Variants in SNX29 observed in about 807,000 individuals in gnomAD.
SNX29 encodes the protein sorting nexin 29.
A neutral mutation model predicts 102.1 loss-of-function variants in SNX29; 78 were observed. The ratio of observed to expected loss-of-function variants is 0.76; its 90% CI spans 0.64 to 0.92. SNX29 has a LOEUF of 0.92. Ranked by LOEUF, SNX29 falls within the 40% of genes least tolerant of loss-of-function variation. The pLI, the probability that SNX29 is intolerant of heterozygous loss-of-function variation, is 0.00. For missense variants in SNX29, 1,280 were observed against 1,061.7 expected (o/e 1.21, Z -2.86); for synonymous variants, 580 against 414.5 (o/e 1.40, Z -4.85).
chr16:12,212,226 C>A (rs960049865), intron 14 of SNX29, among the ~76,000 whole-genome samples: 1 of 152,190 alleles, frequency 6.6e-6, no homozygotes, highest in Non-Finnish European at 1.5e-5. Flanking sequence ...CGCCTTTCCC[C>A]CCGGAGACTG....
At chr16:12,565,082 A>C (rs755079147) in intron 20 of SNX29, among the ~76,000 whole-genome samples, 91 of 152,282 alleles carry the variant, frequency 6.0e-4, no homozygotes, top group Non-Finnish European at 1.1e-3. Context: ...GTGGGGACAC[A>C]TGGGGTCGTC....
At chr16:12,275,181 C>G (rs2079206737) in intron 14 of SNX29, among the ~76,000 whole-genome samples, 1 of 152,202 alleles carries the variant, frequency 6.6e-6, no homozygotes, top group Non-Finnish European at 1.5e-5. Flanking sequence ...TGCCATTCCA[C>G]TGGAGAACTA....
At chr16:12,537,006 C>T (rs1269672071) in intron 20 of SNX29, among the ~76,000 whole-genome samples, 2 of 152,104 alleles carry the variant, frequency 1.3e-5, no homozygotes, top group Non-Finnish European at 2.9e-5. Context: ...AAGAGTTGTT[C>T]AGGGCATGGG....
chr16:12,324,692 C>G (rs1350099861), intron 15 of SNX29, among the ~76,000 whole-genome samples: 1 of 152,082 alleles, frequency 6.6e-6, no homozygotes, highest in African/African-American at 2.4e-5. Context: ...GACTTTAAAG[C>G]TCTATTCTCG....
At chr16:12,509,735 A>ACAG (rs2089526664) in intron 19 of SNX29, among the ~76,000 whole-genome samples, 3 of 152,202 alleles carry the variant, frequency 2.0e-5, no homozygotes, top group Non-Finnish European at 4.4e-5. Flanking sequence ...CCTGAGCAAC[A>ACAG]TAGTGAGAGC....
At chr16:12,427,506 T>C (rs536691411) in intron 18 of SNX29, among the ~76,000 whole-genome samples, 34 of 152,250 alleles carry the variant, frequency 2.2e-4, no homozygotes, top group South Asian at 1.0e-3. Context: ...TTTTGACAAA[T>C]AGTAATTGGG....
At chr16:12,276,090 T>C (rs184874490) in intron 14 of SNX29, among the ~76,000 whole-genome samples, 2 of 151,910 alleles carry the variant, frequency 1.3e-5, no homozygotes, top group Non-Finnish European at 2.9e-5. Context: ...ACAGGGTTTC[T>C]CCATGTTGGC....
At chr16:12,529,113 A>G (rs1287427757) in intron 20 of SNX29, among the ~76,000 whole-genome samples, 1 of 152,226 alleles carries the variant, frequency 6.6e-6, no homozygotes, top group Non-Finnish European at 1.5e-5. Flanking sequence ...TTTTCCTCCC[A>G]GTCTCTGTGC....
At chr16:12,332,673 T>A (rs2081328177) in intron 15 of SNX29, among the ~76,000 whole-genome samples, 1 of 152,090 alleles carries the variant, frequency 6.6e-6, no homozygotes, top group South Asian at 2.1e-4. Flanking sequence ...TCCACCTGCA[T>A]CCCAGCCCCT....
intron 16 of SNX29, among the ~76,000 whole-genome samples, chr16:12,395,743 G>T (rs529561063): frequency 6.6e-6 from 1 of 152,314 alleles, no homozygotes; most frequent in Non-Finnish European, 1.5e-5. Context: ...GCCAGTGTCA[G>T]TAGAAAGTTG....
At chr16:12,361,504 C>G (rs2082298447) in intron 16 of SNX29, among the ~76,000 whole-genome samples, 1 of 152,162 alleles carries the variant, frequency 6.6e-6, no homozygotes, top group African/African-American at 2.4e-5. Flanking sequence ...TGGCTTCCCT[C>G]TTGTATATTA....
intron 14 of SNX29, among the ~76,000 whole-genome samples, chr16:12,222,795 C>G (rs965665810): frequency 6.6e-6 from 1 of 152,144 alleles, no homozygotes; most frequent in African/African-American, 2.4e-5. Flanking sequence ...TCTCAAACTC[C>G]CGACCTCAGG....
At chr16:12,226,517 T>G (rs914176532) in intron 14 of SNX29, among the ~76,000 whole-genome samples, 1 of 151,854 alleles carries the variant, frequency 6.6e-6, no homozygotes, top group Non-Finnish European at 1.5e-5. Context: ...GTTCTCTGTT[T>G]ATTCTAGAAA....
chr16:12,386,741 C>G (rs540974194), intron 16 of SNX29, among the ~76,000 whole-genome samples: 18 of 152,272 alleles, frequency 1.2e-4, no homozygotes, highest in African/African-American at 4.3e-4. Context: ...CCTATGCCTG[C>G]TCACTGTTAA....
intron 15 of SNX29, among the ~76,000 whole-genome samples, chr16:12,319,536 TAC>T (rs2080859184): frequency 6.6e-6 from 1 of 152,158 alleles, no homozygotes; most frequent in African/African-American, 2.4e-5. Flanking sequence ...CATATAAAAA[TAC>T]AGTGTTTCCA....
At chr16:12,557,815 G>A (rs558108020) in intron 20 of SNX29, 2 of 152,218 alleles carry the variant, frequency 1.3e-5, no homozygotes, top group Admixed American at 6.5e-5. Context: ...CATATCTGCA[G>A]TCTGTTGTTC....
chr16:12,551,661 G>C (rs547254265), intron 20 of SNX29, among the ~76,000 whole-genome samples: 2 of 152,176 alleles, frequency 1.3e-5, no homozygotes, highest in Admixed American at 6.5e-5. Flanking sequence ...TTTGGTTTCC[G>C]TTCCTGTGCA....
At chr16:12,099,321 T>G (rs1462939670) in intron 11 of SNX29, among the ~76,000 whole-genome samples, 2 of 152,168 alleles carry the variant, frequency 1.3e-5, no homozygotes, top group East Asian at 3.9e-4. Flanking sequence ...TCTCCCTGAT[T>G]CTTCTCGAAC....
At chr16:12,205,050 C>T (rs1048282046) in intron 14 of SNX29, among the ~76,000 whole-genome samples, 9 of 152,206 alleles carry the variant, frequency 5.9e-5, no homozygotes, top group Admixed American at 3.9e-4. Context: ...GTCAGTTTCC[C>T]CGGCCTTCCA....
Sources: gnomAD v4.1 joint callset for allele counts (sites outside exome capture counted in the v4.1 genomes callset) on GRCh38, gnomAD v4.1.1 for gene constraint, MANE v1.5 for transcripts, NCBI Gene and HGNC (gene_info 2026-07-23, HGNC 2026-07-21) for gene names.